The following ACOT8 variants were observed in gnomAD, a reference collection of about 807,000 sequenced individuals.
ACOT8 encodes acyl-coenzyme A thioesterase 8.
ACOT8 carries 31 observed loss-of-function variants against 38.4 expected under a neutral mutation model. That is an observed-to-expected ratio of 0.81 (90% CI 0.61 to 1.09). The LOEUF is 1.09. ACOT8 is among the 50% of genes least tolerant of loss of function. The probability of loss-of-function intolerance (pLI) is 0.00; values close to 1 mark genes in which losing one functional copy is unlikely to be tolerated. For missense variants in ACOT8, 373 were observed against 421.8 expected, an observed-to-expected ratio of 0.88 and a Z score of 1.01; for synonymous variants, 158 against 170.3, an observed-to-expected ratio of 0.93 and a Z score of 0.56.
At chr20:45,843,209 G>T in intron 5 of ACOT8, 1 of 508,202 alleles carries the variant, frequency 2.0e-6, no homozygotes, top group Non-Finnish European at 3.5e-6. Context: ...TCTTTGTTTA[G>T]ATGAGGAAAC....
chr20:45,854,787 C>T (rs1005629109), intron 2 of ACOT8, among the ~76,000 whole-genome samples: 2 of 137,438 alleles, frequency 1.5e-5, no homozygotes, highest in Non-Finnish European at 3.1e-5. Flanking sequence ...TCTTCTCCAA[C>T]CCAAGCTGCC....
intron 3 of ACOT8, 101 bp downstream of exon 3, chr20:45,848,349 T>C (rs1432647769): frequency 5.7e-6 from 6 of 1,057,968 alleles, no homozygotes; most frequent in Non-Finnish European, 2.7e-6. Context: ...TAATCTGTAT[T>C]TTAAAAATGC....
intron 2 of ACOT8, among the ~76,000 whole-genome samples, chr20:45,850,140 G>A (rs1984969092): frequency 6.6e-6 from 1 of 152,142 alleles, no homozygotes; most frequent in Non-Finnish European, 1.5e-5. Flanking sequence ...AAGCTGGGAG[G>A]TGGAGGCTAT....
chr20:45,855,777 T>C (rs1442322186), intron 1 of ACOT8, among the ~76,000 whole-genome samples: 4 of 151,770 alleles, frequency 2.6e-5, no homozygotes, highest in African/African-American at 7.3e-5. Context: ...AATAAATGTA[T>C]AAATGAATAA....
chr20:45,844,243 C>A lies in ACOT8; in HGVS notation c.646+20G>T. The A allele has an allele frequency of 4.3e-6, 7 of 1,614,132 alleles. No individual in the cohort carries two copies. The highest frequency in any genetic ancestry group is 5.9e-6 in the Non-Finnish European group (7 of 1,180,004). ...GACCCCTTGGAGAGTGGTTTCCTCC[C>A]ATCCATGGGGTACTCTTACCAATAT... On this transcript the variant is annotated intron_variant, in intron 4 of 5. Coordinates refer to ENST00000217455, the MANE Select transcript of ACOT8 (RefSeq NM_005469.4).
chr20:45,844,004 A>G, intron 4 of ACOT8: 2 of 785,328 alleles, frequency 2.5e-6, no homozygotes, highest in Non-Finnish European at 4.1e-6. Context: ...CTTTATAGTT[A>G]GCAGCAAAGC....
Position 45,852,869 on chromosome 20 carries a change from A to C in ACOT8, c.262+2290T>G, listed in dbSNP as rs372286862. On this transcript the variant is annotated intron_variant, in intron 2 of 5. Coordinates refer to ENST00000217455, the MANE Select transcript of ACOT8 (RefSeq NM_005469.4). The stretch of plus-strand genomic sequence containing the variant: ...CTGCAACCTCCGCCTCCTGAGTTCA[A>C]GCAATTCTCCTACCTCAGCCTCCTG... Among the ~76,000 whole-genome samples, 86 of 152,258 alleles carry C rather than the reference A, an allele frequency of 5.6e-4. 1 individual carries two copies. In the East Asian group the frequency reaches 0.014, roughly 24 times the overall value.
intron 2 of ACOT8, 101 bp downstream of exon 2, chr20:45,855,058 T>A: frequency 6.6e-7 from 1 of 1,513,724 alleles, no homozygotes; most frequent in Non-Finnish European, 9.0e-7. Flanking sequence ...CCTCCCCTTG[T>A]CTTCCAGTCT....
intron 3 of ACOT8, among the ~76,000 whole-genome samples, chr20:45,845,109 G>A (rs1984585890): frequency 6.6e-6 from 1 of 152,084 alleles, no homozygotes; most frequent in South Asian, 2.1e-4. Context: ...TTTATTTTGA[G>A]ACGGAGTCTA....
intron 3 of ACOT8, among the ~76,000 whole-genome samples, chr20:45,848,208 C>T (rs1984812558): frequency 6.6e-6 from 1 of 152,148 alleles, no homozygotes; most frequent in South Asian, 2.1e-4. Context: ...CTGCACCCGG[C>T]CAAGCCCTTC....
At chr20:45,853,375 C>T (rs1269024728) in intron 2 of ACOT8, 2 of 152,242 alleles carry the variant, frequency 1.3e-5, no homozygotes. Flanking sequence ...GCCTGCCACC[C>T]ATGTTTACTT....
rs768723547 is a variant in ACOT8 at position 45,841,921 on chromosome 20, G to A, written c.877C>T (p.Arg293Cys). ...SRGLVHGRLW[R>C]QDGVLAVTCA... is the part of the protein sequence containing the mutation. ...GTCACAGCTAGGACTCCATCCTGACGCCACAGCCGCCCATGGACCAGCCCC... is the reference window on the plus strand; with the variant it reads ...GTCACAGCTAGGACTCCATCCTGACACCACAGCCGCCCATGGACCAGCCCC... The change falls in exon 6 of 6, where the codon CGT (arginine) becomes TGT (cysteine). Residue 293 changes from arginine to cysteine, a missense_variant. Arg to Cys is a radical substitution (Grantham distance 180). Transcript: ENST00000217455. 4.3e-6 allele frequency: 7 copies of A among 1,612,970 alleles called. No individual in the cohort carries two copies. The highest frequency in any genetic ancestry group is 2.2e-5 in the East Asian group (1 of 44,868).
At chr20:45,853,996 A>G (rs1985231693) in intron 2 of ACOT8, 1 of 1,298,706 alleles carries the variant, frequency 7.7e-7, no homozygotes, top group Non-Finnish European at 1.0e-6. Flanking sequence ...TGGGGGTAAC[A>G]GGGAAGGAAA....
intron 2 of ACOT8, 116 bp from the exon 3 acceptor site, chr20:45,848,791 G>A: frequency 3.3e-6 from 3 of 904,776 alleles, no homozygotes; most frequent in Non-Finnish European, 4.9e-6. Context: ...ACTAACTGAG[G>A]TCTGCTAAGG....
In ACOT8 at chr20:45,848,614, C is replaced by T. The variant is rs373707432; in HGVS notation, c.324G>A (p.Ser108=). The change falls in exon 3 of 6, where the codon TCG becomes TCA. Residue 108 remains serine, a synonymous_variant. Coordinates refer to ENST00000217455, the MANE Select transcript of ACOT8 (RefSeq NM_005469.4). ...GTTGCACGGCCTTCACAGAGCGCAC[C>T]GAGAAGCTCGACCCTGTTCGTGTCC... ...VERTRTGSSF[S]VRSVKAVQHG... is the part of the protein sequence containing the mutation. 1.8e-5 allele frequency: 29 copies of T among 1,613,716 alleles called. No homozygotes were observed. Among genetic ancestry groups the T allele is most frequent in the South Asian group, 1.5e-4 (14 of 91,072 alleles).
chr20:45,842,323 C>A lies in ACOT8; in HGVS notation c.842-367G>T, dbSNP rs1568733226. On this transcript the variant is annotated intron_variant, in intron 5 of 5. Coordinates refer to ENST00000217455, the MANE Select transcript of ACOT8 (RefSeq NM_005469.4). ...AAAAGCACTTTCACACCTCTCCTCG[C>A]TTCCTCAAAAAGATCACAGAGGGAG... 4.4e-5 allele frequency: 61 copies of A among 1,400,168 alleles called. No individual in the cohort carries two copies. The South Asian group carries it at 5.7e-4, about 13-fold the overall frequency. 86.7% of individuals were successfully genotyped at this position (1,400,168 alleles called of 1,614,324 possible). A position where few individuals can be genotyped will look rare whatever the true frequency, so the allele number is the denominator to read the frequency against.
At chr20:45,852,854 C>T (rs750158028) in intron 2 of ACOT8, among the ~76,000 whole-genome samples, 24 of 152,124 alleles carry the variant, frequency 1.6e-4, no homozygotes, top group Non-Finnish European at 2.6e-4. Flanking sequence ...CTGCAACCTC[C>T]GCCTCCTGAG....
chr20:45,843,966 G>C, intron 4 of ACOT8: 1 of 834,368 alleles, frequency 1.2e-6, no homozygotes, highest in East Asian at 2.7e-5. Flanking sequence ...CCCAAAAGGG[G>C]TGTCTTCTTC....
intron 5 of ACOT8, chr20:45,842,207 T>G: frequency 6.9e-7 from 1 of 1,458,610 alleles, no homozygotes; most frequent in Non-Finnish European, 9.0e-7. Flanking sequence ...GTGCACTGAG[T>G]GTCGTGGCTG....
Sources: gnomAD v4.1 joint callset for allele counts (sites outside exome capture counted in the v4.1 genomes callset) on GRCh38, gnomAD v4.1.1 for gene constraint, MANE v1.5 for transcripts, NCBI Gene and HGNC (gene_info 2026-07-23, HGNC 2026-07-21) for gene names.